CCSER1: variants seen among roughly 807,000 people sequenced by gnomAD.
CCSER1 encodes serine-rich coiled-coil domain-containing protein 1.
Under a neutral mutation model 82.0 loss-of-function variants are expected in CCSER1, and 41 were observed. The observed-to-expected ratio is 0.50, with a 90% confidence interval of 0.39 to 0.65. CCSER1 has a LOEUF of 0.65. CCSER1 is among the 30% of genes least tolerant of loss of function. The pLI, the probability that CCSER1 is intolerant of heterozygous loss-of-function variation, is 0.00. For synonymous variants in CCSER1, 414 were observed against 383.9 expected, an observed-to-expected ratio of 1.08 and a Z score of -0.92; for missense variants, 1,119 against 1,064.2, an observed-to-expected ratio of 1.05 and a Z score of -0.72.
intron 3 of CCSER1, among the ~76,000 whole-genome samples, chr4:90,346,992 A>G (rs1236323003): frequency 6.6e-6 from 1 of 152,160 alleles, no homozygotes; most frequent in Non-Finnish European, 1.5e-5. Flanking sequence ...AAATGTTTCT[A>G]TGCCCTATGC....
chr4:91,077,685 C>T (rs1043755343), intron 9 of CCSER1, among the ~76,000 whole-genome samples: 19 of 152,186 alleles, frequency 1.2e-4, no homozygotes, highest in Admixed American at 3.9e-4. Flanking sequence ...CAGGGAATTA[C>T]CTTTCCTAGT....
intron 9 of CCSER1, among the ~76,000 whole-genome samples, chr4:90,926,563 A>C (rs962031150): frequency 6.6e-6 from 1 of 152,112 alleles, no homozygotes; most frequent in Non-Finnish European, 1.5e-5. Context: ...AAAGATTTGT[A>C]CAATAAACTA....
chr4:91,159,934 C>A (rs1453303364), intron 10 of CCSER1, among the ~76,000 whole-genome samples: 2 of 151,834 alleles, frequency 1.3e-5, no homozygotes, highest in Non-Finnish European at 2.9e-5. Flanking sequence ...TTCTAGGGTA[C>A]AAGTGCACAA....
chr4:90,407,144 A>C (rs1211999264), intron 4 of CCSER1, among the ~76,000 whole-genome samples: 1 of 152,186 alleles, frequency 6.6e-6, no homozygotes, highest in African/African-American at 2.4e-5. Context: ...GAAGAGAGAA[A>C]ATCCAAATAA....
At chr4:90,969,725 A>G (rs1477867245) in intron 9 of CCSER1, among the ~76,000 whole-genome samples, 1 of 152,002 alleles carries the variant, frequency 6.6e-6, no homozygotes. Context: ...TAAGAGGAAC[A>G]TATGAAAGCA....
chr4:90,426,930 T>G (rs528998851), intron 4 of CCSER1, among the ~76,000 whole-genome samples: 1 of 152,232 alleles, frequency 6.6e-6, no homozygotes, highest in South Asian at 2.1e-4. Context: ...GAACAAAACT[T>G]CTAGATGATT....
At chr4:90,370,161 T>C (rs1281609943) in intron 3 of CCSER1, 3 of 152,138 alleles carry the variant, frequency 2.0e-5, no homozygotes, top group Non-Finnish European at 2.9e-5. Context: ...TGCCACCACA[T>C]TGACCCCAGG....
chr4:91,580,861 A>G (rs1313915570), intron 10 of CCSER1, among the ~76,000 whole-genome samples: 1 of 151,636 alleles, frequency 6.6e-6, no homozygotes, highest in African/African-American at 2.4e-5. Context: ...TCACATAATC[A>G]TTCTTTTTTG....
At chr4:91,343,578 G>T (rs2149290335) in intron 10 of CCSER1, among the ~76,000 whole-genome samples, 3 of 152,134 alleles carry the variant, frequency 2.0e-5, no homozygotes, top group Admixed American at 2.0e-4. Context: ...AATGATTGTG[G>T]GTGCTCTGAA....
intron 10 of CCSER1, among the ~76,000 whole-genome samples, chr4:91,435,335 G>C (rs948591350): frequency 2.0e-5 from 3 of 152,042 alleles, no homozygotes; most frequent in African/African-American, 7.2e-5. Flanking sequence ...CAGCTACTCT[G>C]GAGGCTGAGG....
chr4:90,379,859 G>A (rs1748939849), intron 3 of CCSER1, among the ~76,000 whole-genome samples: 1 of 152,120 alleles, frequency 6.6e-6, no homozygotes, highest in Non-Finnish European at 1.5e-5. Flanking sequence ...TGGCTTCTGG[G>A]GAGGCCTCAG....
At chr4:90,492,036 T>C (rs542037804) in intron 5 of CCSER1, among the ~76,000 whole-genome samples, 97 of 152,294 alleles carry the variant, frequency 6.4e-4, no homozygotes, top group African/African-American at 2.1e-3. Flanking sequence ...CCTCATAAAA[T>C]GAGTTAGGGA....
At chr4:90,498,110 C>G (rs1167459701) in intron 5 of CCSER1, among the ~76,000 whole-genome samples, 1 of 152,098 alleles carries the variant, frequency 6.6e-6, no homozygotes, top group African/African-American at 2.4e-5. Flanking sequence ...ATGCCTGAAA[C>G]CATTGTTCAT....
intron 10 of CCSER1, among the ~76,000 whole-genome samples, chr4:91,593,667 T>C (rs1409274664): frequency 6.6e-6 from 1 of 151,960 alleles, no homozygotes; most frequent in Non-Finnish European, 1.5e-5. Flanking sequence ...AGAGAGGGAA[T>C]ATACCTATGT....
chr4:91,452,794 G>A (rs1755941732), intron 10 of CCSER1, among the ~76,000 whole-genome samples: 1 of 152,014 alleles, frequency 6.6e-6, no homozygotes. Flanking sequence ...TTTGGTTGCA[G>A]TTGAAGCTGA....
chr4:90,443,920 T>C (rs1212714328), intron 4 of CCSER1, among the ~76,000 whole-genome samples: 1 of 152,050 alleles, frequency 6.6e-6, no homozygotes, highest in African/African-American at 2.4e-5. Flanking sequence ...CAGACACATA[T>C]AAATATAATC....
chr4:90,318,030 A>G (rs1736483647), intron 3 of CCSER1, among the ~76,000 whole-genome samples: 1 of 152,156 alleles, frequency 6.6e-6, no homozygotes, highest in Non-Finnish European at 1.5e-5. Context: ...TGTTGTATCC[A>G]AGTTCTTTTA....
intron 8 of CCSER1, among the ~76,000 whole-genome samples, chr4:90,875,582 G>C (rs778493529): frequency 3.9e-5 from 6 of 152,054 alleles, no homozygotes; most frequent in Non-Finnish European, 8.8e-5. Flanking sequence ...ACATTTTATA[G>C]GCATTTTGTA....
chr4:91,097,484 TTAA>T (rs1724622966), intron 10 of CCSER1, among the ~76,000 whole-genome samples: 1 of 152,208 alleles, frequency 6.6e-6, no homozygotes, highest in Non-Finnish European at 1.5e-5. Flanking sequence ...GTTGATCTTA[TTAA>T]TCTGAAATTC....
Sources: gnomAD v4.1 joint callset for allele counts (sites outside exome capture counted in the v4.1 genomes callset) on GRCh38, gnomAD v4.1.1 for gene constraint, MANE v1.5 for transcripts, NCBI Gene and HGNC (gene_info 2026-07-23, HGNC 2026-07-21) for gene names.